Variants in VPS35L observed in about 807,000 individuals in gnomAD.
VPS35L encodes the protein VPS35 endosomal protein sorting factor like.
Under a neutral mutation model 133.0 loss-of-function variants are expected in VPS35L, and 83 were observed. The observed-to-expected ratio is 0.62, with a 90% CI of 0.52 to 0.75. VPS35L has a LOEUF of 0.75. Among genes scored for constraint, VPS35L ranks in the 30% least tolerant of loss-of-function variants. VPS35L has a pLI of 0.00. For synonymous variants in VPS35L, 423 were observed against 449.9 expected (o/e 0.94, Z 0.76); for missense variants, 1,083 against 1,206.8 (o/e 0.90, Z 1.52).
chr16:19,661,838 T>A (rs1974495124), intron 26 of VPS35L, among the ~76,000 whole-genome samples: 1 of 152,172 alleles, frequency 6.6e-6, no homozygotes, highest in Admixed American at 6.5e-5. Context: ...TGTGTGGCCC[T>A]GTCCCTACTT....
chr16:19,591,522 C>A (rs1423798342), intron 7 of VPS35L, among the ~76,000 whole-genome samples: 1 of 151,404 alleles, frequency 6.6e-6, no homozygotes, highest in Non-Finnish European at 1.5e-5. Context: ...TTAAGGCCAA[C>A]CTGGGCAACA....
chr16:19,621,330 G>T (rs1029692047), intron 14 of VPS35L, among the ~76,000 whole-genome samples: 2 of 152,168 alleles, frequency 1.3e-5, no homozygotes, highest in Non-Finnish European at 2.9e-5. Context: ...GAAGTTGGGA[G>T]GGGGGGACAT....
intron 14 of VPS35L, chr16:19,617,264 G>T: frequency 3.3e-6 from 1 of 306,830 alleles, no homozygotes; most frequent in Non-Finnish European, 6.1e-6. Flanking sequence ...AGGCTGAGGT[G>T]GGAGGACCAC....
intron 5 of VPS35L, 128 bp from the exon 6 acceptor site, chr16:19,578,924 A>C (rs919682129): frequency 2.0e-5 from 16 of 787,518 alleles, no homozygotes; most frequent in Admixed American, 6.7e-5. Context: ...AATCTGGGAT[A>C]GTTTTCTATA....
rs780614543 is a variant in VPS35L, at chr16:19,628,627, T to C, written c.1384-10T>C. The C allele has an allele frequency of 2.1e-6, 3 of 1,455,026 alleles. No homozygotes were observed. The highest frequency in any genetic ancestry group is 2.9e-6 in the Non-Finnish European group (3 of 1,046,984). The allele number at this position is 1,455,026 out of a possible 1,614,324, so 90.1% of individuals were successfully genotyped here. A position where few individuals can be genotyped will look rare whatever the true frequency, so the allele number is the denominator to read the frequency against. On this transcript the variant is annotated splice_polypyrimidine_tract_variant and intron_variant, in intron 16 of 30. Transcript: ENST00000417362. Reference sequence around the variant, plus strand: ...ATTTCCATAACATGATGGTTTGACATGTTTCTTAGCATCTTCTTTTTCGAT... The same window carrying C: ...ATTTCCATAACATGATGGTTTGACACGTTTCTTAGCATCTTCTTTTTCGAT...
At chr16:19,568,346 C>T (rs1220491362) in intron 2 of VPS35L, among the ~76,000 whole-genome samples, 5 of 150,974 alleles carry the variant, frequency 3.3e-5, no homozygotes, top group Non-Finnish European at 7.4e-5. Context: ...TATCGCCCAG[C>T]TGGAGTGCAA....
Position 19,626,328 on chromosome 16 carries a change from G to A in VPS35L, c.1271+105G>A, listed in dbSNP as rs1973260524. 3 of 846,668 alleles carry A rather than the reference G, an allele frequency of 3.5e-6. No homozygotes were observed. In the South Asian group the frequency reaches 4.3e-5, roughly 12 times the overall value. 52.4% of individuals were successfully genotyped at this position (846,668 alleles called of 1,614,324 possible). On this transcript the variant is annotated intron_variant, in intron 15 of 30. Coordinates refer to ENST00000417362, the MANE Select transcript of VPS35L (RefSeq NM_020314.7). Reference sequence around the variant, plus strand: ...GTATGAGCTGAAGAGAGAGAGGCAGGACTGCATGGAGGTTTAGAATGCTGG... The same window carrying A: ...GTATGAGCTGAAGAGAGAGAGGCAGAACTGCATGGAGGTTTAGAATGCTGG...
At chr16:19,568,393 A>C (rs1425484375) in intron 2 of VPS35L, among the ~76,000 whole-genome samples, 6 of 147,872 alleles carry the variant, frequency 4.1e-5, no homozygotes, top group Admixed American at 6.8e-5. Flanking sequence ...TCTGCCTCCC[A>C]AAACCCCATT....
chr16:19,562,866 C>T (rs1971070317), intron 1 of VPS35L, among the ~76,000 whole-genome samples: 1 of 151,922 alleles, frequency 6.6e-6, no homozygotes, highest in African/African-American at 2.4e-5. Flanking sequence ...GCGATCCTCC[C>T]ACCTCAGCCT....
chr16:19,671,321 T>C (rs1164956284), intron 27 of VPS35L, among the ~76,000 whole-genome samples: 2 of 150,950 alleles, frequency 1.3e-5, no homozygotes, highest in Non-Finnish European at 2.9e-5. Context: ...GTACAAAAAT[T>C]AGCTGGGCAT....
At chr16:19,651,101 C>G (rs539640208) in intron 25 of VPS35L, among the ~76,000 whole-genome samples, 104 of 151,960 alleles carry the variant, frequency 6.8e-4, no homozygotes, top group African/African-American at 2.5e-3. Context: ...AGGCTGGTTT[C>G]GAACTCCTGT....
chr16:19,650,835 T>TAACTGAAAG (rs1974100378), intron 25 of VPS35L, among the ~76,000 whole-genome samples: 1 of 152,080 alleles, frequency 6.6e-6, no homozygotes, highest in African/African-American at 2.4e-5. Flanking sequence ...ATTGTTCTTG[T>TAACTGAAAG]AACTGAAAGG....
At chr16:19,583,145 A>AT (rs11303573) in intron 7 of VPS35L, among the ~76,000 whole-genome samples, 98 of 151,624 alleles carry the variant, frequency 6.5e-4, no homozygotes, top group African/African-American at 2.0e-3. Flanking sequence ...TAATTCATTG[A>AT]TTTTTTTTTA....
chr16:19,666,731 C>G (rs1974674840), intron 26 of VPS35L, among the ~76,000 whole-genome samples: 1 of 152,076 alleles, frequency 6.6e-6, no homozygotes, highest in African/African-American at 2.4e-5. Flanking sequence ...TCAAGTTGCT[C>G]TGAGCAGAAT....
intron 26 of VPS35L, among the ~76,000 whole-genome samples, chr16:19,654,474 G>A (rs370566854): frequency 2.2e-4 from 33 of 151,298 alleles, no homozygotes; most frequent in African/African-American, 6.8e-4. Flanking sequence ...CACAACAATC[G>A]CATGAACCTG....
At chr16:19,645,352 C>G (rs1973908924) in intron 23 of VPS35L, among the ~76,000 whole-genome samples, 1 of 149,932 alleles carries the variant, frequency 6.7e-6, no homozygotes, top group African/African-American at 2.5e-5. Flanking sequence ...TGCAGTGGCG[C>G]GATCTCAGCT....
At position 19,601,317 on chromosome 16, in the gene VPS35L, C is replaced by G. The variant is rs577671349; in HGVS notation, c.725-347C>G. On this transcript the variant is annotated intron_variant, in intron 8 of 30. Coordinates refer to ENST00000417362, the MANE Select transcript of VPS35L (RefSeq NM_020314.7). ...TGTGTTGTGGAGTGGCCATGCACAA[C>G]TGGTCACAGGCTGGATTCAGCCCGT... 6.6e-5 allele frequency among the ~76,000 whole-genome samples: 10 copies of G among 152,262 alleles called. No individual in the cohort carries two copies. In the South Asian group the frequency reaches 1.9e-3, roughly 28 times the overall value.
At chr16:19,599,133 C>T (rs1410846726) in intron 8 of VPS35L, among the ~76,000 whole-genome samples, 1 of 152,196 alleles carries the variant, frequency 6.6e-6, no homozygotes. Flanking sequence ...GGGGCTTGTT[C>T]TCTAAGGCCT....
At chr16:19,575,443 G>A (rs906848412) in intron 5 of VPS35L, among the ~76,000 whole-genome samples, 39 of 147,906 alleles carry the variant, frequency 2.6e-4, no homozygotes, top group African/African-American at 8.8e-4. Flanking sequence ...GCGCACGCCC[G>A]TAATCCCAGC....
Sources: gnomAD v4.1 joint callset for allele counts (sites outside exome capture counted in the v4.1 genomes callset) on GRCh38, gnomAD v4.1.1 for gene constraint, MANE v1.5 for transcripts, NCBI Gene and HGNC (gene_info 2026-07-23, HGNC 2026-07-21) for gene names.